Variants in TMEM154 observed in about 807,000 individuals in gnomAD.
TMEM154 encodes transmembrane protein 154.
A neutral mutation model predicts 24.5 loss-of-function variants in TMEM154; 27 were observed. That is an observed-to-expected ratio of 1.10 (90% CI 0.81 to 1.52). The LOEUF (loss-of-function observed/expected upper bound fraction) is 1.52. TMEM154 is among the 40% of genes most tolerant of loss of function. The probability of loss-of-function intolerance (pLI) is 0.00; values close to 1 mark genes in which losing one functional copy is unlikely to be tolerated. For synonymous variants in TMEM154, 67 were observed against 76.8 expected, an observed-to-expected ratio of 0.87 and a Z score of 0.67; for missense variants, 228 against 213.4, an observed-to-expected ratio of 1.07 and a Z score of -0.43.
chr4:152,656,544 G>A (rs1225175314), intron 1 of TMEM154, among the ~76,000 whole-genome samples: 6 of 152,132 alleles, frequency 3.9e-5, no homozygotes, highest in Non-Finnish European at 8.8e-5. Flanking sequence ...TACATACCCA[G>A]AATCAAAGCC....
chr4:152,652,771 A>G lies in TMEM154; in HGVS notation c.221T>C (p.Leu74Ser). 6.2e-7 allele frequency: 1 copy of G among 1,614,066 alleles called. No homozygotes were observed. The highest frequency in any genetic ancestry group is 8.5e-7 in the Non-Finnish European group (1 of 1,179,960). The change falls in exon 2 of 7, where the codon TTA becomes TCA. Residue 74 changes from leucine to serine, a missense_variant. Coordinates refer to ENST00000304385, the MANE Select transcript of TMEM154 (RefSeq NM_152680.3). ...STNFAPDENQ[L>S]EFILMVLIPL... Reference sequence around the variant, plus strand: ...GATTAACACCATCAGTATAAACTCTAACTGATTTTCATCCGGAGCAAAGTT... The same window carrying G: ...GATTAACACCATCAGTATAAACTCTGACTGATTTTCATCCGGAGCAAAGTT...
rs746923572 is a variant in TMEM154 at position 152,628,424 on chromosome 4, G to C, written c.*122C>G. 5 of 1,497,020 alleles carry C rather than the reference G, an allele frequency of 3.3e-6. No individual in the cohort carries two copies. The highest frequency in any genetic ancestry group is 4.6e-6 in the Non-Finnish European group (5 of 1,090,068). 92.7% of individuals were successfully genotyped at this position (1,497,020 alleles called of 1,614,324 possible). ...GTGGGCGTTGGAAGAAACAGCAAAA[G>C]GTTCTTGTGTCTATGTTGATTTGAA... On this transcript the variant is annotated 3_prime_UTR_variant, in exon 7 of 7. Coordinates refer to ENST00000304385, the MANE Select transcript of TMEM154 (RefSeq NM_152680.3).
At chr4:152,659,999 T>C (rs958071139) in intron 1 of TMEM154, among the ~76,000 whole-genome samples, 9 of 142,408 alleles carry the variant, frequency 6.3e-5, no homozygotes, top group Non-Finnish European at 1.3e-4. Flanking sequence ...CATGGGTAAC[T>C]GAAACCACGG....
chr4:152,673,380 A>C (rs1728885917), intron 1 of TMEM154, among the ~76,000 whole-genome samples: 1 of 152,116 alleles, frequency 6.6e-6, no homozygotes, highest in African/African-American at 2.4e-5. Context: ...AGCTCACTGC[A>C]ACCATTGCCT....
chr4:152,631,032 T>G (rs1401428901), intron 6 of TMEM154, among the ~76,000 whole-genome samples: 2 of 152,228 alleles, frequency 1.3e-5, no homozygotes, highest in Admixed American at 6.5e-5. Flanking sequence ...TACTTCAAAT[T>G]TTTAATTTTT....
In TMEM154 at chr4:152,623,085, C is replaced by T. The variant is rs752237245; in HGVS notation, c.*5461G>A. On this transcript the variant is annotated 3_prime_UTR_variant, in exon 7 of 7. Coordinates refer to ENST00000304385, the MANE Select transcript of TMEM154 (RefSeq NM_152680.3). ...TCCCGAGCTCAGGCAATCCACCAGC[C>T]GTGGACTCCCAAAGTGTTGGGAAGT... 2 of 152,210 alleles carry T rather than the reference C, an allele frequency of 1.3e-5. No homozygotes were observed. Among genetic ancestry groups the T allele is most frequent in the Admixed American group, 6.5e-5 (1 of 15,276 alleles). The allele number at this position is 152,210 out of a possible 1,614,324, so 9.4% of individuals were successfully genotyped here. A position where few individuals can be genotyped will look rare whatever the true frequency, so the allele number is the denominator to read the frequency against.
chr4:152,672,699 C>A (rs936951034), intron 1 of TMEM154, among the ~76,000 whole-genome samples: 15 of 152,172 alleles, frequency 9.9e-5, no homozygotes, highest in African/African-American at 3.4e-4. Context: ...CTCACAGGCT[C>A]TCTCATTATT....
rs915576079 is a variant in TMEM154, at chr4:152,624,220, A to G, written c.*4326T>C. On this transcript the variant is annotated 3_prime_UTR_variant, in exon 7 of 7. Transcript: ENST00000304385. ...GAGTTCATATAAAGCTCTATTTTAC[A>G]TAATTGTATATACTGCTATCTCAGG... 2.0e-5 allele frequency: 3 copies of G among 152,236 alleles called. No homozygotes were observed. The highest frequency in any genetic ancestry group is 4.4e-5 in the Non-Finnish European group (3 of 68,046). 9.4% of individuals were successfully genotyped at this position (152,236 alleles called of 1,614,324 possible).
intron 1 of TMEM154, among the ~76,000 whole-genome samples, chr4:152,657,404 C>T (rs889306442): frequency 1.3e-5 from 2 of 151,978 alleles, no homozygotes; most frequent in Non-Finnish European, 2.9e-5. Flanking sequence ...AACCCAGCTA[C>T]TCAGGAGGCT....
chr4:152,653,628 G>A (rs1728435082), intron 1 of TMEM154, among the ~76,000 whole-genome samples: 1 of 151,546 alleles, frequency 6.6e-6, no homozygotes, highest in African/African-American at 2.4e-5. Context: ...TGCCTCAAGT[G>A]ATCCACCCGC....
At chr4:152,673,354 G>T (rs1728885355) in intron 1 of TMEM154, among the ~76,000 whole-genome samples, 1 of 151,920 alleles carries the variant, frequency 6.6e-6, no homozygotes, top group African/African-American at 2.4e-5. Flanking sequence ...AGTCTGGAGT[G>T]AAGTGGCACA....
chr4:152,622,197 A>C lies in TMEM154; in HGVS notation c.*6349T>G, dbSNP rs1460602741. 6.6e-6 allele frequency: 1 copy of C among 152,282 alleles called. No individual in the cohort carries two copies. The highest frequency in any genetic ancestry group is 1.5e-5 in the Non-Finnish European group (1 of 68,052). The allele number at this position is 152,282 out of a possible 1,614,324, so 9.4% of individuals were successfully genotyped here. On this transcript the variant is annotated 3_prime_UTR_variant, in exon 7 of 7. Transcript: ENST00000304385. ...TTCATTTAAAAATGTTTTGTAAGGA[A>C]GAATAAAGACAAGAATGTGTAATAA...
At chr4:152,643,216 A>C in intron 4 of TMEM154, 43 bp from the exon 5 acceptor site, 1 of 1,395,096 alleles carries the variant, frequency 7.2e-7, no homozygotes, top group Non-Finnish European at 1.0e-6. Flanking sequence ...GAAATGTGAA[A>C]GATGCCTAAT....
At chr4:152,672,850 TA>T (rs778002754) in intron 1 of TMEM154, among the ~76,000 whole-genome samples, 1 of 152,140 alleles carries the variant, frequency 6.6e-6, no homozygotes, top group Non-Finnish European at 1.5e-5. Flanking sequence ...GGCTAGAGAG[TA>T]AACATTTTAG....
At chr4:152,664,818 T>C (rs748292459) in intron 1 of TMEM154, among the ~76,000 whole-genome samples, 4 of 152,212 alleles carry the variant, frequency 2.6e-5, no homozygotes, top group Non-Finnish European at 4.4e-5. Context: ...AGAAAACATG[T>C]CAGATGTCAA....
intron 6 of TMEM154, among the ~76,000 whole-genome samples, chr4:152,638,596 A>C (rs556040684): frequency 6.6e-6 from 1 of 152,298 alleles, no homozygotes; most frequent in Middle Eastern, 3.4e-3. Flanking sequence ...ACTTCCTAAT[A>C]ATTATACTAG....
intron 1 of TMEM154, among the ~76,000 whole-genome samples, chr4:152,678,881 G>A (rs545449087): frequency 1.3e-5 from 2 of 152,174 alleles, no homozygotes; most frequent in Non-Finnish European, 2.9e-5. Flanking sequence ...GATGGAGTGG[G>A]GTGGCTGGGT....
chr4:152,652,035 A>G (rs1728393705), intron 3 of TMEM154, among the ~76,000 whole-genome samples: 1 of 152,214 alleles, frequency 6.6e-6, no homozygotes, highest in Non-Finnish European at 1.5e-5. Flanking sequence ...AATGTTTATC[A>G]ATTAAGTTCA....
chr4:152,666,919 C>T (rs570261078), intron 1 of TMEM154: 1 of 152,444 alleles, frequency 6.6e-6, no homozygotes, highest in Admixed American at 6.5e-5. Context: ...TGATGGGACA[C>T]CATTGCTCAT....
Sources: allele counts gnomAD v4.1 joint callset (sites outside exome capture counted in the v4.1 genomes callset), GRCh38; gene constraint gnomAD v4.1.1; transcripts MANE v1.5; gene names NCBI Gene and HGNC (gene_info 2026-07-23, HGNC 2026-07-21).